RYR3: variants seen among roughly 807,000 people sequenced by gnomAD.
RYR3 encodes brain ryanodine receptor-calcium release channel.
Under a neutral mutation model 584.3 loss-of-function variants are expected in RYR3, and 207 were observed. The ratio of observed to expected loss-of-function variants is 0.35; its 90% CI spans 0.32 to 0.40. RYR3 has a LOEUF of 0.40. RYR3 is among the 10% of genes least tolerant of loss of function. The probability of loss-of-function intolerance (pLI) is 1.00; values close to 1 mark genes in which losing one functional copy is unlikely to be tolerated. For missense variants in RYR3, 5,616 were observed against 6,089.2 expected (o/e 0.92, Z 2.59); for synonymous variants, 2,416 against 2,248.5 (o/e 1.07, Z -2.11).
chr15:33,495,260 G>T (rs1263390924), intron 2 of RYR3, among the ~76,000 whole-genome samples: 1 of 152,154 alleles, frequency 6.6e-6, no homozygotes, highest in Non-Finnish European at 1.5e-5. Context: ...TGGGAGGTAG[G>T]TAGCCTAGTG....
chr15:33,642,188 T>G lies in RYR3; in HGVS notation c.3557-2123T>G, dbSNP rs140543609. Among the ~76,000 whole-genome samples, 8 of 152,354 alleles carry G rather than the reference T, an allele frequency of 5.3e-5. No homozygotes were observed. The East Asian group carries it at 1.5e-3, about 29-fold the overall frequency. ...CTTACATTGTCATTGGGTCTGTGAC[T>G]AGGACATTATTTTTATGTCCTGAGG... On this transcript the variant is annotated intron_variant, in intron 27 of 103. Transcript: ENST00000634891.
intron 1 of RYR3, among the ~76,000 whole-genome samples, chr15:33,367,723 C>T (rs1975704771): frequency 6.6e-6 from 1 of 152,176 alleles, no homozygotes; most frequent in Non-Finnish European, 1.5e-5. Flanking sequence ...CATAGTGTGA[C>T]TACAAATTTC....
chr15:33,492,597 C>G (rs568485104), intron 2 of RYR3, among the ~76,000 whole-genome samples: 1 of 152,260 alleles, frequency 6.6e-6, no homozygotes, highest in East Asian at 1.9e-4. Context: ...AGCTGTTTTC[C>G]TTGGCTTTCA....
intron 7 of RYR3, 79 bp from the exon 8 acceptor site, chr15:33,543,543 G>T (rs1315380571): frequency 1.1e-6 from 1 of 923,986 alleles, no homozygotes; most frequent in Admixed American, 1.7e-5. Flanking sequence ...TCAGACCTGT[G>T]TGAATTTACC....
At chr15:33,775,513 T>G (rs2073939350) in intron 64 of RYR3, among the ~76,000 whole-genome samples, 1 of 152,164 alleles carries the variant, frequency 6.6e-6, no homozygotes, top group Non-Finnish European at 1.5e-5. Flanking sequence ...CCAGCTAAAG[T>G]AAGCAGCTGG....
intron 1 of RYR3, among the ~76,000 whole-genome samples, chr15:33,378,732 G>C (rs567178390): frequency 4.0e-4 from 61 of 152,356 alleles, no homozygotes; most frequent in Non-Finnish European, 2.9e-4. Flanking sequence ...GGGAGGTCAA[G>C]GCAGGAGGCC....
chr15:33,461,432 A>G (rs1273135792), intron 1 of RYR3, among the ~76,000 whole-genome samples: 1 of 152,178 alleles, frequency 6.6e-6, no homozygotes, highest in Non-Finnish European at 1.5e-5. Flanking sequence ...TTCTTTTAGT[A>G]GATACTTTGG....
chr15:33,652,889 G>C lies in RYR3; in HGVS notation c.4308+6G>C. 6.2e-7 allele frequency: 1 copy of C among 1,602,744 alleles called. No homozygotes were observed. The highest frequency in any genetic ancestry group is 1.7e-5 in the Admixed American group (1 of 57,338). ...AACTGGGCACCTGCTACCAGGTAAG[G>C]GCGGCTTCTGGGGCCGAAACAGGGC... On this transcript the variant is annotated splice_donor_region_variant and intron_variant, in intron 32 of 103. Transcript: ENST00000634891.
chr15:33,738,623 C>T, intron 50 of RYR3, 33 bp downstream of exon 50: 1 of 1,610,730 alleles, frequency 6.2e-7, no homozygotes, highest in South Asian at 1.1e-5. Flanking sequence ...AAAAAGAGAG[C>T]ATCTCAGTGC....
intron 1 of RYR3, among the ~76,000 whole-genome samples, chr15:33,330,155 A>T: frequency 6.6e-6 from 1 of 152,130 alleles, no homozygotes; most frequent in East Asian, 1.9e-4. Context: ...ACTTAGCTCA[A>T]AGTGGCGGTG....
At chr15:33,367,793 A>C (rs1975712146) in intron 1 of RYR3, among the ~76,000 whole-genome samples, 1 of 152,210 alleles carries the variant, frequency 6.6e-6, no homozygotes, top group Non-Finnish European at 1.5e-5. Context: ...ATCTAGTGAT[A>C]ACATATGCCC....
Position 33,838,343 on chromosome 15 carries a change from T to C in RYR3, c.12363T>C (p.Ser4121=), listed in dbSNP as rs777658822. Residue 4121 remains serine, a synonymous_variant, in exon 89 of 104, where the codon TCT becomes TCC. Coordinates refer to ENST00000634891, the MANE Select transcript of RYR3 (RefSeq NM_001036.6). ...AGGAGGAAGAAGATGAAGATTCTTCTTACGTGTTAGAAATTGCGGGTGAAG... is the reference window on the plus strand; with the variant it reads ...AGGAGGAAGAAGATGAAGATTCTTCCTACGTGTTAGAAATTGCGGGTGAAG... ...PEEEEEDEDS[S]YVLEIAGEEE... is the part of the protein sequence containing the mutation. The C allele has an allele frequency of 6.6e-5, 106 of 1,613,880 alleles. No homozygotes were observed. Among genetic ancestry groups the C allele is most frequent in the Non-Finnish European group, 8.4e-5 (99 of 1,179,892 alleles).
chr15:33,857,769 C>G lies in RYR3; in HGVS notation c.14008-11C>G, dbSNP rs749350436. 1.2e-6 allele frequency: 2 copies of G among 1,613,984 alleles called. No individual in the cohort carries two copies. Among genetic ancestry groups the G allele is most frequent in the East Asian group, 2.2e-5 (1 of 44,882 alleles). On this transcript the variant is annotated splice_polypyrimidine_tract_variant and intron_variant, in intron 98 of 103. Transcript: ENST00000634891. ...CCACTCCTTTTCCTTTCTCTGTCCT[C>G]TCATTCCCAGTTGGTTCTGACTGTC...
At chr15:33,654,249 C>T (rs1182808907) in intron 32 of RYR3, among the ~76,000 whole-genome samples, 2 of 151,998 alleles carry the variant, frequency 1.3e-5, no homozygotes, top group African/African-American at 4.8e-5. Context: ...CATGGAGGCT[C>T]ACACCTGTAG....
In RYR3 at chr15:33,826,314, TAGG is replaced by T. The variant is rs753243213; in HGVS notation, c.11164+48_11164+50del. 19 of 1,599,262 alleles carry T rather than the reference TAGG, an allele frequency of 1.2e-5. 1 individual carries two copies. In the South Asian group the frequency reaches 2.1e-4, roughly 18 times the overall value. ...CTGAGTTCCTACCGTGTGTGAATCC[TAGG>T]AGATCTCATTTAATTGCCTCAGCAC... On this transcript the variant is annotated intron_variant, in intron 83 of 103. Coordinates refer to ENST00000634891, the MANE Select transcript of RYR3 (RefSeq NM_001036.6).
chr15:33,487,393 C>G (rs1385986506), intron 2 of RYR3, among the ~76,000 whole-genome samples: 1 of 152,096 alleles, frequency 6.6e-6, no homozygotes, highest in Non-Finnish European at 1.5e-5. Flanking sequence ...GAAAACAAAA[C>G]AAGGGCATGA....
At chr15:33,565,507 A>G (rs774375169) in intron 11 of RYR3, among the ~76,000 whole-genome samples, 25 of 152,350 alleles carry the variant, frequency 1.6e-4, no homozygotes, top group Admixed American at 1.2e-3. Flanking sequence ...GATGTTTCAC[A>G]TGGAAAGGAA....
chr15:33,680,453 A>G (rs147180339), intron 38 of RYR3, among the ~76,000 whole-genome samples: 2 of 152,312 alleles, frequency 1.3e-5, no homozygotes, highest in Non-Finnish European at 2.9e-5. Context: ...TTCTTGTTCC[A>G]GCTTTGCCCT....
intron 11 of RYR3, among the ~76,000 whole-genome samples, chr15:33,565,420 T>G (rs1419158926): frequency 6.6e-6 from 1 of 152,192 alleles, no homozygotes; most frequent in African/African-American, 2.4e-5. Flanking sequence ...GGATGCAAAG[T>G]CTTGTTTCAA....
Sources: allele counts gnomAD v4.1 joint callset (sites outside exome capture counted in the v4.1 genomes callset), GRCh38; gene constraint gnomAD v4.1.1; transcripts MANE v1.5; gene names NCBI Gene and HGNC (gene_info 2026-07-23, HGNC 2026-07-21).